Variants in KCNC2 observed in about 807,000 individuals in gnomAD.
KCNC2 encodes the protein voltage-gated potassium channel KCNC2.
A neutral mutation model predicts 44.5 loss-of-function variants in KCNC2; 21 were observed. The observed-to-expected ratio is 0.47, with a 90% CI of 0.33 to 0.68. The LOEUF (loss-of-function observed/expected upper bound fraction) is 0.68. Ranked by LOEUF, KCNC2 falls within the 30% of genes least tolerant of loss-of-function variation. The pLI is 0.01. For synonymous variants in KCNC2, 391 were observed against 339.1 expected (o/e 1.15, Z -1.68); for missense variants, 589 against 826.2 (o/e 0.71, Z 3.52).
At chr12:75,128,170 A>T (rs1053764794) in intron 2 of KCNC2, among the ~76,000 whole-genome samples, 5 of 152,184 alleles carry the variant, frequency 3.3e-5, no homozygotes, top group African/African-American at 9.6e-5. Flanking sequence ...ATTATTTTAA[A>T]TATCTAAATA....
intron 2 of KCNC2, among the ~76,000 whole-genome samples, chr12:75,191,261 G>A (rs549492033): frequency 2.2e-4 from 34 of 151,670 alleles, no homozygotes; most frequent in African/African-American, 2.4e-5. Context: ...AAAATCCTAC[G>A]TATGCCCTCA....
chr12:75,049,100 C>T (rs954638766), intron 3 of KCNC2, among the ~76,000 whole-genome samples: 1 of 152,156 alleles, frequency 6.6e-6, no homozygotes, highest in African/African-American at 2.4e-5. Context: ...TTCATAAATA[C>T]ATTCTTAACA....
intron 2 of KCNC2, among the ~76,000 whole-genome samples, chr12:75,206,179 A>G (rs2031672162): frequency 6.6e-6 from 1 of 152,238 alleles, no homozygotes; most frequent in African/African-American, 2.4e-5. Context: ...TAATGAAGAT[A>G]GAGCCAAAGT....
In KCNC2 at chr12:75,164,798, G is replaced by T. The variant is rs147549942; in HGVS notation, c.687+42499C>A. On this transcript the variant is annotated intron_variant, in intron 2 of 4. Transcript: ENST00000549446. Reference sequence around the variant, plus strand: ...ATGTATTATTCATAAATCAAAAATCGTTGAACTAAAACTTTCTGCATTTGC... The same window carrying T: ...ATGTATTATTCATAAATCAAAAATCTTTGAACTAAAACTTTCTGCATTTGC... Among the ~76,000 whole-genome samples the T allele has an allele frequency of 3.4e-3, 512 of 151,666 alleles. 6 individuals carry two copies. The highest frequency in any genetic ancestry group is 0.011 in the African/African-American group (473 of 41,424).
intron 2 of KCNC2, among the ~76,000 whole-genome samples, chr12:75,096,268 G>C (rs907855458): frequency 6.6e-6 from 1 of 151,890 alleles, no homozygotes. Flanking sequence ...AAACTCAGGC[G>C]AATGAACTAG....
intron 2 of KCNC2, among the ~76,000 whole-genome samples, chr12:75,104,340 C>T (rs1300142619): frequency 2.0e-5 from 3 of 152,154 alleles, no homozygotes; most frequent in Non-Finnish European, 2.9e-5. Context: ...CATCATGTCA[C>T]TCAGAACGGT....
intron 2 of KCNC2, among the ~76,000 whole-genome samples, chr12:75,187,121 T>G (rs118105318): frequency 6.6e-6 from 1 of 152,186 alleles, no homozygotes; most frequent in Non-Finnish European, 1.5e-5. Context: ...TTCAGAAAAC[T>G]GACAAATTTG....
intron 2 of KCNC2, among the ~76,000 whole-genome samples, chr12:75,060,620 C>T (rs1261392133): frequency 6.6e-6 from 1 of 151,726 alleles, no homozygotes; most frequent in African/African-American, 2.4e-5. Flanking sequence ...CATGTGCCAC[C>T]ACACCTGGCT....
At chr12:75,123,526 A>G (rs1888189354) in intron 2 of KCNC2, among the ~76,000 whole-genome samples, 1 of 152,058 alleles carries the variant, frequency 6.6e-6, no homozygotes, top group Non-Finnish European at 1.5e-5. Context: ...TATCTTCCCT[A>G]ATTATTCATT....
intron 2 of KCNC2, among the ~76,000 whole-genome samples, chr12:75,152,334 A>T (rs2137471820): frequency 6.6e-6 from 1 of 151,940 alleles, no homozygotes; most frequent in South Asian, 2.1e-4. Flanking sequence ...AACACAAAAA[A>T]TAAACAAAAA....
Position 75,042,995 on chromosome 12 carries a change from AC to A in KCNC2, c.*109del, listed in dbSNP as rs1001819126. On this transcript the variant is annotated 3_prime_UTR_variant, in exon 5 of 5. Transcript: ENST00000549446. ...AATTGTAGTATCATGCAAGATTTATACTGTATTAATGGAGCCTGGAGTAACT... is the reference window on the plus strand; with the variant it reads ...AATTGTAGTATCATGCAAGATTTATATGTATTAATGGAGCCTGGAGTAACT... 2.0e-6 allele frequency: 3 copies of A among 1,489,634 alleles called. No individual in the cohort carries two copies. In the African/African-American group the frequency reaches 4.2e-5, roughly 21 times the overall value. 92.3% of individuals were successfully genotyped at this position (1,489,634 alleles called of 1,614,324 possible).
At chr12:75,102,960 T>C (rs942918564) in intron 2 of KCNC2, among the ~76,000 whole-genome samples, 2 of 152,210 alleles carry the variant, frequency 1.3e-5, no homozygotes, top group East Asian at 1.9e-4. Flanking sequence ...CTGTAACTAA[T>C]ACTTTCCTCA....
At chr12:75,145,809 T>C (rs940839257) in intron 2 of KCNC2, among the ~76,000 whole-genome samples, 4 of 152,184 alleles carry the variant, frequency 2.6e-5, no homozygotes, top group Admixed American at 2.0e-4. Context: ...ATATAGAATA[T>C]GGTAAAATGA....
At chr12:75,065,992 G>A (rs1403805235) in intron 2 of KCNC2, among the ~76,000 whole-genome samples, 3 of 152,112 alleles carry the variant, frequency 2.0e-5, no homozygotes, top group South Asian at 2.1e-4. Flanking sequence ...AATGTAAAAT[G>A]TACTATCAAA....
chr12:75,205,297 A>G (rs2031595898), intron 2 of KCNC2, among the ~76,000 whole-genome samples: 1 of 152,142 alleles, frequency 6.6e-6, no homozygotes, highest in Non-Finnish European at 1.5e-5. Context: ...GGTCTTGACT[A>G]AACGTGACCT....
At chr12:75,106,243 T>G (rs75520233) in intron 2 of KCNC2, among the ~76,000 whole-genome samples, 23,681 of 151,990 alleles carry the variant, frequency 0.16, 1,959 homozygotes, top group East Asian at 0.23. Context: ...CTCAGTGAAA[T>G]TGGGAGTTAG....
At position 75,159,048 on chromosome 12, in the gene KCNC2, C is replaced by T. The variant is rs1435350903; in HGVS notation, c.687+48249G>A. Among the ~76,000 whole-genome samples the T allele has an allele frequency of 2.7e-5, 4 of 148,344 alleles. No individual in the cohort carries two copies. In the South Asian group the frequency reaches 8.5e-4, roughly 31 times the overall value. On this transcript the variant is annotated intron_variant, in intron 2 of 4. Coordinates refer to ENST00000549446, the MANE Select transcript of KCNC2 (RefSeq NM_139137.4). ...TCTGAGAACACCGCATGTTCTCTCT[C>T]CTAAGTGGGAGCTGAAAAATGAGAA...
At chr12:75,130,222 G>A (rs559223231) in intron 2 of KCNC2, among the ~76,000 whole-genome samples, 7 of 152,048 alleles carry the variant, frequency 4.6e-5, no homozygotes, top group Admixed American at 6.6e-5. Context: ...GCACACACAC[G>A]TACATATACA....
At chr12:75,051,431 A>T in intron 2 of KCNC2, 114 bp from the exon 3 acceptor site, 1 of 648,246 alleles carries the variant, frequency 1.5e-6, no homozygotes, top group Non-Finnish European at 2.6e-6. Flanking sequence ...GCATATTTAG[A>T]GGTTTCACTT....
Sources: gnomAD v4.1 joint callset for allele counts (sites outside exome capture counted in the v4.1 genomes callset) on GRCh38, gnomAD v4.1.1 for gene constraint, MANE v1.5 for transcripts, NCBI Gene and HGNC (gene_info 2026-07-23, HGNC 2026-07-21) for gene names.